Variants in PTPRM observed in about 807,000 individuals in gnomAD.
PTPRM encodes protein tyrosine phosphatase receptor type M.
In PTPRM, 47 loss-of-function variants were observed where a neutral mutation model predicts 186.7. The ratio of observed to expected loss-of-function variants is 0.25; its 90% CI spans 0.20 to 0.32. The LOEUF (loss-of-function observed/expected upper bound fraction) is 0.32, where lower values mean the gene tolerates loss of function less well. Ranked by LOEUF, PTPRM falls within the 10% of genes least tolerant of loss-of-function variation. The pLI, the probability that PTPRM is intolerant of heterozygous loss-of-function variation, is 1.00. For missense variants in PTPRM, 1,494 were observed against 1,865.0 expected (o/e 0.80, Z 3.66); for synonymous variants, 668 against 674.9 (o/e 0.99, Z 0.16).
At chr18:8,364,466 A>C (rs1242297853) in intron 23 of PTPRM, among the ~76,000 whole-genome samples, 2 of 152,190 alleles carry the variant, frequency 1.3e-5, no homozygotes, top group African/African-American at 4.8e-5. Context: ...AGGATATTTA[A>C]ATGAGTAATA....
chr18:7,684,518 G>T (rs1342632105), intron 1 of PTPRM, among the ~76,000 whole-genome samples: 1 of 152,064 alleles, frequency 6.6e-6, no homozygotes, highest in African/African-American at 2.4e-5. Flanking sequence ...CTCTCCCCGA[G>T]CCCTGGCAAC....
At chr18:7,879,982 A>G (rs1263038186) in intron 2 of PTPRM, among the ~76,000 whole-genome samples, 35 of 152,178 alleles carry the variant, frequency 2.3e-4, no homozygotes, top group Admixed American at 2.2e-3. Flanking sequence ...CAGAAGGTGG[A>G]GCAAACACAT....
At chr18:8,260,664 T>C (rs182003402) in intron 19 of PTPRM, among the ~76,000 whole-genome samples, 2 of 152,250 alleles carry the variant, frequency 1.3e-5, no homozygotes, top group Non-Finnish European at 2.9e-5. Context: ...AGGCAACCCA[T>C]ATTCAAACCA....
At chr18:7,694,521 G>C (rs994389809) in intron 1 of PTPRM, among the ~76,000 whole-genome samples, 1 of 151,518 alleles carries the variant, frequency 6.6e-6, no homozygotes, top group Non-Finnish European at 1.5e-5. Context: ...CTGCCACCCG[G>C]GTTCAAGTGA....
intron 1 of PTPRM, among the ~76,000 whole-genome samples, chr18:7,634,265 C>G (rs1397830995): frequency 1.3e-5 from 2 of 152,052 alleles, no homozygotes; most frequent in Non-Finnish European, 2.9e-5. Context: ...ACTGCCATCT[C>G]CAGCCTCTCG....
chr18:8,312,146 C>A (rs922915991), intron 20 of PTPRM, among the ~76,000 whole-genome samples: 10 of 152,188 alleles, frequency 6.6e-5, no homozygotes, highest in African/African-American at 2.4e-4. Context: ...AGCCGTGATT[C>A]AGTTCTAGGG....
At chr18:8,202,589 A>AT (rs11397601) in intron 14 of PTPRM, among the ~76,000 whole-genome samples, 29,372 of 146,404 alleles carry the variant, frequency 0.2, 3,375 homozygotes, top group Middle Eastern at 0.43. Context: ...TTGTTCTCTG[A>AT]TTTTTTTTTT....
At chr18:8,280,591 G>T (rs1568657473) in intron 19 of PTPRM, among the ~76,000 whole-genome samples, 1 of 152,194 alleles carries the variant, frequency 6.6e-6, no homozygotes, top group Non-Finnish European at 1.5e-5. Context: ...CAAGGCACAT[G>T]TGGCTATTTA....
intron 19 of PTPRM, among the ~76,000 whole-genome samples, chr18:8,272,496 G>A (rs2094785105): frequency 6.7e-6 from 1 of 149,708 alleles, no homozygotes; most frequent in African/African-American, 2.5e-5. Context: ...AAGTTTGACA[G>A]TATTTCTATT....
chr18:8,338,519 G>A (rs1248617954), intron 22 of PTPRM, among the ~76,000 whole-genome samples: 7 of 152,062 alleles, frequency 4.6e-5, no homozygotes, highest in African/African-American at 1.4e-4. Context: ...CAAATGAGGC[G>A]GTATGATGTA....
At chr18:7,708,638 GA>G (rs1218382814) in intron 1 of PTPRM, among the ~76,000 whole-genome samples, 1 of 151,400 alleles carries the variant, frequency 6.6e-6, no homozygotes, top group Admixed American at 6.6e-5. Flanking sequence ...CCAGGGAGAG[GA>G]AAAAAAACAT....
chr18:8,095,755 A>C (rs940042700), intron 11 of PTPRM, among the ~76,000 whole-genome samples: 9 of 152,164 alleles, frequency 5.9e-5, no homozygotes, highest in Admixed American at 4.6e-4. Flanking sequence ...TAGGATTTAG[A>C]GAAATCAAAA....
chr18:7,569,275 G>C (rs2036514019), intron 1 of PTPRM, among the ~76,000 whole-genome samples: 1 of 152,202 alleles, frequency 6.6e-6, no homozygotes, highest in Non-Finnish European at 1.5e-5. Flanking sequence ...CAGGACCCTT[G>C]ATCACAGTTG....
chr18:7,988,185 A>G (rs1039002702), intron 7 of PTPRM, among the ~76,000 whole-genome samples: 5 of 152,040 alleles, frequency 3.3e-5, no homozygotes, highest in African/African-American at 1.2e-4. Flanking sequence ...GGGATCTGTT[A>G]TCATGTTCAT....
chr18:7,788,057 A>G (rs1345946462), intron 2 of PTPRM, among the ~76,000 whole-genome samples: 1 of 152,200 alleles, frequency 6.6e-6, no homozygotes, highest in Non-Finnish European at 1.5e-5. Context: ...TTTGAAAACG[A>G]CTGACCTAGG....
At chr18:8,207,835 T>C (rs2093951255) in intron 14 of PTPRM, among the ~76,000 whole-genome samples, 2 of 152,178 alleles carry the variant, frequency 1.3e-5, no homozygotes, top group African/African-American at 4.8e-5. Flanking sequence ...TATGAATCAG[T>C]AAATGCCAGT....
chr18:7,700,284 A>G (rs2039932611), intron 1 of PTPRM, among the ~76,000 whole-genome samples: 1 of 151,702 alleles, frequency 6.6e-6, no homozygotes, highest in Non-Finnish European at 1.5e-5. Context: ...CACCTAGGTG[A>G]TAAGGTGACT....
intron 2 of PTPRM, among the ~76,000 whole-genome samples, chr18:7,807,791 T>C (rs529896828): frequency 2.3e-4 from 35 of 152,338 alleles, no homozygotes; most frequent in Non-Finnish European, 4.1e-4. Flanking sequence ...AAGAATTACA[T>C]CTAAGTAATA....
intron 1 of PTPRM, among the ~76,000 whole-genome samples, chr18:7,577,135 A>T (rs1249521602): frequency 1.3e-5 from 2 of 152,148 alleles, no homozygotes; most frequent in Non-Finnish European, 2.9e-5. Flanking sequence ...CAATAACCTT[A>T]ACAATAGAAC....
Sources: gnomAD v4.1 joint callset for allele counts (sites outside exome capture counted in the v4.1 genomes callset) on GRCh38, gnomAD v4.1.1 for gene constraint, MANE v1.5 for transcripts, NCBI Gene and HGNC (gene_info 2026-07-23, HGNC 2026-07-21) for gene names.